Variants in UBA6 observed in about 807,000 individuals in gnomAD.
UBA6 encodes the protein ubiquitin like modifier activating enzyme 6.
Under a neutral mutation model 148.3 loss-of-function variants are expected in UBA6, and 87 were observed. The observed-to-expected ratio is 0.59, with a 90% CI of 0.49 to 0.70. The LOEUF (loss-of-function observed/expected upper bound fraction) is 0.70. UBA6 is among the 30% of genes least tolerant of loss of function. The probability of loss-of-function intolerance (pLI) is 0.00; values close to 1 mark genes in which losing one functional copy is unlikely to be tolerated. For missense variants in UBA6, 1,186 were observed against 1,241.2 expected (o/e 0.96, Z 0.67); for synonymous variants, 376 against 401.0 (o/e 0.94, Z 0.75).
At chr4:67,627,190 ATATT>A (rs1560477831) in intron 27 of UBA6, among the ~76,000 whole-genome samples, 1 of 151,982 alleles carries the variant, frequency 6.6e-6, no homozygotes, top group African/African-American at 2.4e-5. Context: ...TCATGAAGTA[ATATT>A]TATTTAAAAA....
intron 19 of UBA6, among the ~76,000 whole-genome samples, chr4:67,636,398 G>A (rs941828157): frequency 3.3e-5 from 5 of 152,190 alleles, no homozygotes; most frequent in Admixed American, 6.5e-5. Flanking sequence ...CGCTCCCCAC[G>A]GTCTCCCTCT....
In UBA6 at chr4:67,614,745, A is replaced by G. The variant is rs1430880590; in HGVS notation, c.*4252T>C. On this transcript the variant is annotated 3_prime_UTR_variant, in exon 33 of 33. Transcript: ENST00000322244. ...TAACCATTAATAAATTGTTTTTATC[A>G]AAGAACATCATAAGGGAGGGAAAGG... 3.3e-5 allele frequency: 5 copies of G among 152,200 alleles called. No homozygotes were observed. The highest frequency in any genetic ancestry group is 1.2e-4 in the African/African-American group (5 of 41,442). 9.4% of individuals were successfully genotyped at this position (152,200 alleles called of 1,614,324 possible).
Position 67,623,136 on chromosome 4 carries a change from T to A in UBA6, c.2927A>T (p.Lys976Ile), listed in dbSNP as rs1284714182. 1 of 1,609,580 alleles carries A rather than the reference T, an allele frequency of 6.2e-7. No individual in the cohort carries two copies. The highest frequency in any genetic ancestry group is 2.2e-5 in the East Asian group (1 of 44,778). Reference sequence around the variant, plus strand: ...ACTAAATGAACAAAAGTATCTCACTTTGACTGCATTTATGAAATCCAAGAG... The same window carrying A: ...ACTAAATGAACAAAAGTATCTCACTATGACTGCATTTATGAAATCCAAGAG... ...FTLLDFINAV[K>I]EKYGIEPTMV... is the part of the protein sequence containing the mutation. Residue 976 changes from lysine (K) to isoleucine (I), a missense_variant and splice_region_variant, in exon 31 of 33, where the codon AAA becomes ATA. Physicochemically the swap from Lys to Ile is moderately radical, Grantham distance 102 (BLOSUM62 -3). Coordinates refer to ENST00000322244, the MANE Select transcript of UBA6 (RefSeq NM_018227.6).
intron 2 of UBA6, among the ~76,000 whole-genome samples, chr4:67,685,521 G>C (rs6819522): frequency 6.6e-6 from 1 of 151,836 alleles, no homozygotes; most frequent in Non-Finnish European, 1.5e-5. Context: ...ACTACTGGGA[G>C]GTAATAAAAG....
At chr4:67,625,459 CTT>C (rs1728846337) in intron 28 of UBA6, among the ~76,000 whole-genome samples, 1 of 147,072 alleles carries the variant, frequency 6.8e-6, no homozygotes. Flanking sequence ...TTTAAAAAAA[CTT>C]TTTAATAAAT....
intron 27 of UBA6, 62 bp downstream of exon 27, chr4:67,629,009 G>A: frequency 3.5e-6 from 4 of 1,126,914 alleles, no homozygotes; most frequent in Non-Finnish European, 4.1e-6. Context: ...GGTTTAGAAT[G>A]GGACTTGGTA....
At chr4:67,678,567 G>C (rs1160724536) in intron 4 of UBA6, 34 bp from the exon 5 acceptor site, 7 of 1,259,318 alleles carry the variant, frequency 5.6e-6, no homozygotes, top group Non-Finnish European at 8.0e-6. Flanking sequence ...GTTGAAGTCA[G>C]GAGTTCAAGG....
At chr4:67,629,331 G>A (rs1728944546) in intron 26 of UBA6, among the ~76,000 whole-genome samples, 189 bp from the exon 27 acceptor site, 1 of 151,756 alleles carries the variant, frequency 6.6e-6, no homozygotes, top group African/African-American at 2.4e-5. Flanking sequence ...TATGGGGGAG[G>A]AGAAGGTAAG....
chr4:67,694,558 C>T (rs1560504557), intron 2 of UBA6, among the ~76,000 whole-genome samples: 8 of 151,858 alleles, frequency 5.3e-5, no homozygotes, highest in Non-Finnish European at 1.0e-4. Context: ...CCACCACACC[C>T]GGCTAATTTT....
chr4:67,657,420 C>A (rs1324493939), intron 13 of UBA6, among the ~76,000 whole-genome samples: 1 of 152,132 alleles, frequency 6.6e-6, no homozygotes, highest in Non-Finnish European at 1.5e-5. Flanking sequence ...CTGACAAAAA[C>A]AAGAAATGGG....
chr4:67,661,835 TATATA>T, intron 13 of UBA6: 1 of 298,322 alleles, frequency 3.4e-6, no homozygotes. Context: ...ACAGGTGACT[TATATA>T]AGAAAGCTAA....
intron 11 of UBA6, chr4:67,663,505 T>TAAAA (rs775953676): frequency 3.0e-6 from 1 of 338,004 alleles, no homozygotes; most frequent in Non-Finnish European, 5.3e-6. Flanking sequence ...ACATCCATTT[T>TAAAA]AAAAAAAAAT....
At chr4:67,694,825 G>A (rs569885336) in intron 2 of UBA6, among the ~76,000 whole-genome samples, 9 of 152,206 alleles carry the variant, frequency 5.9e-5, no homozygotes, top group African/African-American at 1.9e-4. Context: ...AAATTCTTAA[G>A]GAAGATATTA....
chr4:67,663,987 G>A, intron 10 of UBA6, 40 bp from the exon 11 acceptor site: 1 of 1,507,788 alleles, frequency 6.6e-7, no homozygotes, highest in South Asian at 1.2e-5. Flanking sequence ...GAGTGAGTGA[G>A]TGATTATTTG....
intron 9 of UBA6, among the ~76,000 whole-genome samples, chr4:67,667,305 TA>T (rs1291402338): frequency 6.6e-6 from 1 of 152,168 alleles, no homozygotes; most frequent in African/African-American, 2.4e-5. Flanking sequence ...ACATGCATGC[TA>T]AAATTACAAA....
intron 19 of UBA6, among the ~76,000 whole-genome samples, chr4:67,636,836 T>C (rs933730283): frequency 2.6e-5 from 4 of 151,206 alleles, no homozygotes; most frequent in African/African-American, 9.7e-5. Flanking sequence ...GTGAGGAGCG[T>C]CTCTGCCTGG....
intron 1 of UBA6, 151 bp from the exon 2 acceptor site, chr4:67,696,858 T>C: frequency 1.7e-6 from 1 of 602,534 alleles, no homozygotes; most frequent in Admixed American, 3.1e-5. Flanking sequence ...TTAAATGGCC[T>C]GAAATTAAAT....
intron 7 of UBA6, among the ~76,000 whole-genome samples, chr4:67,673,329 T>C (rs1730194551): frequency 1.4e-5 from 2 of 145,708 alleles, no homozygotes; most frequent in East Asian, 2.0e-4. Flanking sequence ...GACAGGAGAA[T>C]AGCTTGAACC....
At chr4:67,649,995 A>G (rs2109920699) in intron 13 of UBA6, among the ~76,000 whole-genome samples, 1 of 152,264 alleles carries the variant, frequency 6.6e-6, no homozygotes, top group East Asian at 1.9e-4. Context: ...TTACACTCTC[A>G]AAAATATTTG....
Sources: gnomAD v4.1 joint callset for allele counts (sites outside exome capture counted in the v4.1 genomes callset) on GRCh38, gnomAD v4.1.1 for gene constraint, MANE v1.5 for transcripts, NCBI Gene and HGNC (gene_info 2026-07-23, HGNC 2026-07-21) for gene names.